MAMDC2: variants seen among roughly 807,000 people sequenced by gnomAD.
The protein encoded by MAMDC2 is MAM domain-containing protein 2.
MAMDC2 carries 57 observed loss-of-function variants against 89.8 expected under a neutral mutation model. The observed-to-expected ratio is 0.63, with a 90% CI of 0.51 to 0.79. MAMDC2 has a LOEUF of 0.79. Among genes scored for constraint, MAMDC2 ranks in the 30% least tolerant of loss-of-function variants. The probability of loss-of-function intolerance (pLI) is 0.00; values close to 1 mark genes in which losing one functional copy is unlikely to be tolerated. For synonymous variants in MAMDC2, 313 were observed against 293.4 expected, an observed-to-expected ratio of 1.07 and a Z score of -0.68; for missense variants, 800 against 820.6, an observed-to-expected ratio of 0.97 and a Z score of 0.31.
intron 5 of MAMDC2, among the ~76,000 whole-genome samples, chr9:70,122,532 A>G (rs1274911114): frequency 6.6e-6 from 1 of 152,172 alleles, no homozygotes; most frequent in Non-Finnish European, 1.5e-5. Flanking sequence ...ATGGCTATGA[A>G]GGCTCTGAGG....
At position 70,180,338 on chromosome 9, in the gene MAMDC2, C is replaced by G. The variant is rs188158224; in HGVS notation, c.1651+9707C>G. Among the ~76,000 whole-genome samples the G allele has an allele frequency of 8.1e-4, 123 of 152,240 alleles. No individual in the cohort carries two copies. In the East Asian group the frequency reaches 0.021, roughly 27 times the overall value. On this transcript the variant is annotated intron_variant, in intron 11 of 13. Coordinates refer to ENST00000377182, the MANE Select transcript of MAMDC2 (RefSeq NM_153267.5). The stretch of plus-strand genomic sequence containing the variant: ...GCAGTAAACATATGTGTGCATGTGT[C>G]TTTACAGTAGAATGATTTATAATCC...
intron 7 of MAMDC2, 144 bp from the exon 8 acceptor site, chr9:70,140,001 C>A: frequency 1.3e-6 from 1 of 743,910 alleles, no homozygotes; most frequent in Non-Finnish European, 2.0e-6. Context: ...TGTCAGCATG[C>A]CCTTTGGATA....
At chr9:70,053,655 G>C (rs962421558) in intron 2 of MAMDC2, among the ~76,000 whole-genome samples, 1 of 152,200 alleles carries the variant, frequency 6.6e-6, no homozygotes, top group East Asian at 1.9e-4. Flanking sequence ...AGGAAGTATA[G>C]AGAGCAATAT....
chr9:70,199,358 T>C (rs2033048698), intron 11 of MAMDC2, among the ~76,000 whole-genome samples: 2 of 148,398 alleles, frequency 1.3e-5, no homozygotes, highest in African/African-American at 4.9e-5. Context: ...ATTTCATCCA[T>C]GTCCCTACAA....
chr9:70,125,605 CA>C (rs2030496237), intron 5 of MAMDC2, among the ~76,000 whole-genome samples: 1 of 152,220 alleles, frequency 6.6e-6, no homozygotes, highest in Non-Finnish European at 1.5e-5. Flanking sequence ...ATGCTATTAA[CA>C]ACACACAAAT....
intron 11 of MAMDC2, among the ~76,000 whole-genome samples, chr9:70,193,089 A>T (rs1487361747): frequency 2.6e-5 from 4 of 152,110 alleles, no homozygotes; most frequent in Non-Finnish European, 4.4e-5. Flanking sequence ...AAGTACAAAG[A>T]TAGGCCTAGG....
chr9:70,206,103 C>T (rs1447018579), intron 11 of MAMDC2, among the ~76,000 whole-genome samples: 1 of 152,198 alleles, frequency 6.6e-6, no homozygotes, highest in Non-Finnish European at 1.5e-5. Context: ...CATTACTCTA[C>T]ATAGGTACTG....
intron 9 of MAMDC2, among the ~76,000 whole-genome samples, chr9:70,159,940 G>A (rs1036893031): frequency 1.3e-5 from 2 of 152,022 alleles, no homozygotes; most frequent in South Asian, 2.1e-4. Flanking sequence ...GGCTGGGCAC[G>A]GTGACTCACA....
At chr9:70,146,678 G>C (rs2031413668) in intron 9 of MAMDC2, among the ~76,000 whole-genome samples, 2 of 152,106 alleles carry the variant, frequency 1.3e-5, no homozygotes, top group Admixed American at 1.3e-4. Context: ...CACACCTGAA[G>C]TCACAACACT....
At chr9:70,065,486 T>C (rs1827243651) in intron 2 of MAMDC2, among the ~76,000 whole-genome samples, 1 of 151,960 alleles carries the variant, frequency 6.6e-6, no homozygotes, top group African/African-American at 2.4e-5. Context: ...TCTATTCTGG[T>C]GGCTTTGAAA....
At chr9:70,221,959 A>T (rs1257845262) in intron 12 of MAMDC2, among the ~76,000 whole-genome samples, 2 of 152,170 alleles carry the variant, frequency 1.3e-5, no homozygotes, top group Non-Finnish European at 2.9e-5. Context: ...AGGTAATATT[A>T]TCTGATTTTG....
intron 2 of MAMDC2, among the ~76,000 whole-genome samples, chr9:70,103,986 TAA>T (rs111553707): frequency 9.9e-5 from 14 of 141,400 alleles, no homozygotes; most frequent in Non-Finnish European, 7.8e-5. Flanking sequence ...CGTCTCCATT[TAA>T]AAAAAAAAAA....
intron 9 of MAMDC2, chr9:70,153,405 A>C (rs1480760881): frequency 6.6e-6 from 1 of 152,238 alleles, no homozygotes; most frequent in Non-Finnish European, 1.5e-5. Flanking sequence ...ATTAGCCCTT[A>C]TATATTCAAA....
chr9:70,194,906 G>C (rs2118611462), intron 11 of MAMDC2, among the ~76,000 whole-genome samples: 1 of 152,074 alleles, frequency 6.6e-6, no homozygotes. Context: ...GTATTACCCA[G>C]GTTACATTAC....
At chr9:70,053,763 T>G (rs1190731459) in intron 2 of MAMDC2, among the ~76,000 whole-genome samples, 1 of 152,162 alleles carries the variant, frequency 6.6e-6, no homozygotes, top group Admixed American at 6.5e-5. Context: ...ACTTCACTGC[T>G]GGACCTGCCT....
chr9:70,083,656 C>G (rs956852213), intron 2 of MAMDC2: 1 of 151,670 alleles, frequency 6.6e-6, no homozygotes, highest in Non-Finnish European at 1.5e-5. Context: ...TGGCTGTGTT[C>G]CTCTTTGCAT....
intron 11 of MAMDC2, among the ~76,000 whole-genome samples, chr9:70,171,506 A>T (rs1409063837): frequency 5.9e-5 from 9 of 152,158 alleles, no homozygotes; most frequent in African/African-American, 2.2e-4. Flanking sequence ...CTCGAAAAAA[A>T]TAAATAATAA....
intron 9 of MAMDC2, chr9:70,157,743 C>G (rs1408626331): frequency 6.6e-6 from 1 of 152,434 alleles, no homozygotes; most frequent in Non-Finnish European, 1.5e-5. Flanking sequence ...ATAAACAAAT[C>G]TGAAAGGCAA....
At chr9:70,127,956 A>C (rs1382226198) in intron 6 of MAMDC2, among the ~76,000 whole-genome samples, 1 of 152,216 alleles carries the variant, frequency 6.6e-6, no homozygotes, top group African/African-American at 2.4e-5. Context: ...CATTTGTCTG[A>C]ATCAAATGTT....
Sources: allele counts gnomAD v4.1 joint callset (sites outside exome capture counted in the v4.1 genomes callset), GRCh38; gene constraint gnomAD v4.1.1; transcripts MANE v1.5; gene names NCBI Gene and HGNC (gene_info 2026-07-23, HGNC 2026-07-21).